GABPB1: variants seen among roughly 807,000 people sequenced by gnomAD.
GABPB1 encodes the protein GA binding protein transcription factor subunit beta 1.
A neutral mutation model predicts 45.9 loss-of-function variants in GABPB1; 15 were observed. That is an observed-to-expected ratio of 0.33 (90% confidence interval 0.22 to 0.50). GABPB1 has a LOEUF of 0.50. GABPB1 is among the 20% of genes least tolerant of loss of function. GABPB1 has a pLI of 0.98. For missense variants in GABPB1, 252 were observed against 457.5 expected, an observed-to-expected ratio of 0.55 and a Z score of 4.10; for synonymous variants, 143 against 154.4, an observed-to-expected ratio of 0.93 and a Z score of 0.55.
At chr15:50,332,453 T>C (rs1342659910) in intron 1 of GABPB1, among the ~76,000 whole-genome samples, 2 of 152,172 alleles carry the variant, frequency 1.3e-5, no homozygotes, top group African/African-American at 2.4e-5. Context: ...AAACCAAATA[T>C]AATTTTTTAA....
intron 1 of GABPB1, among the ~76,000 whole-genome samples, chr15:50,321,779 A>G (rs1016074334): frequency 2.0e-5 from 3 of 152,166 alleles, no homozygotes; most frequent in African/African-American, 7.2e-5. Flanking sequence ...AACTCCAGAA[A>G]TACTTGGAAC....
chr15:50,343,600 G>A (rs1241296338), intron 1 of GABPB1, among the ~76,000 whole-genome samples: 1 of 151,782 alleles, frequency 6.6e-6, no homozygotes, highest in Non-Finnish European at 1.5e-5. Flanking sequence ...GTGCAGTGGT[G>A]CCATCTCGGC....
At chr15:50,334,501 T>TC (rs2048049810) in intron 1 of GABPB1, among the ~76,000 whole-genome samples, 1 of 148,042 alleles carries the variant, frequency 6.8e-6, no homozygotes, top group African/African-American at 2.5e-5. Context: ...TTTTTCTTTT[T>TC]TTCCTTTTTT....
rs1265242897 is a variant in GABPB1, at chr15:50,278,770, A to G, written c.1014T>C (p.Leu338=). The G allele has an allele frequency of 6.2e-7, 1 of 1,609,698 alleles. No homozygotes were observed. Among genetic ancestry groups the G allele is most frequent in the South Asian group, 1.1e-5 (1 of 90,192 alleles). The change falls in exon 9 of 9, where the codon CTT becomes CTC. Residue 338 remains leucine (L), a synonymous_variant. Coordinates refer to ENST00000380877, the MANE Select transcript of GABPB1 (RefSeq NM_016654.5). ...ESAEIEEREA[L]QKQLDEANRE... ...GATTTGCTTCATCCAGCTGTTTCTG[A>G]AGAGCTTCTCTCTCCTAATTAAAAG...
At chr15:50,305,592 C>T (rs1034986847) in intron 2 of GABPB1, among the ~76,000 whole-genome samples, 4 of 152,136 alleles carry the variant, frequency 2.6e-5, no homozygotes, top group Non-Finnish European at 2.9e-5. Flanking sequence ...TTTCTCCATG[C>T]TTTGTCAATT....
chr15:50,353,275 T>TA (rs1250613275), intron 1 of GABPB1: 7 of 152,190 alleles, frequency 4.6e-5, no homozygotes, highest in Non-Finnish European at 7.4e-5. Context: ...TAGAGCCCAG[T>TA]AAAAAAAGTA....
chr15:50,326,632 A>T (rs911513183), intron 1 of GABPB1, among the ~76,000 whole-genome samples: 16 of 152,086 alleles, frequency 1.1e-4, no homozygotes, highest in Non-Finnish European at 1.9e-4. Flanking sequence ...ATTGCACTCC[A>T]GCCTGGGCAA....
At chr15:50,344,412 A>G (rs982886662) in intron 1 of GABPB1, among the ~76,000 whole-genome samples, 1 of 152,216 alleles carries the variant, frequency 6.6e-6, no homozygotes, top group Non-Finnish European at 1.5e-5. Context: ...CCTCAGGCTT[A>G]TATGTTTAGC....
At chr15:50,299,634 G>A (rs1289092071) in intron 6 of GABPB1, among the ~76,000 whole-genome samples, 2 of 151,942 alleles carry the variant, frequency 1.3e-5, no homozygotes, top group Admixed American at 6.6e-5. Flanking sequence ...CCTGACCTCA[G>A]GTGATCCACC....
chr15:50,313,647 A>T (rs2047206254), intron 1 of GABPB1, among the ~76,000 whole-genome samples: 3 of 152,162 alleles, frequency 2.0e-5, no homozygotes, highest in Non-Finnish European at 4.4e-5. Context: ...AAAATGCAGT[A>T]ATTTAACCTA....
intron 1 of GABPB1, among the ~76,000 whole-genome samples, chr15:50,348,099 C>T (rs1413704174): frequency 6.7e-6 from 1 of 148,754 alleles, no homozygotes; most frequent in Non-Finnish European, 1.5e-5. Context: ...AGTATCTTAT[C>T]CCTCAAGTGT....
intron 1 of GABPB1, among the ~76,000 whole-genome samples, chr15:50,340,541 A>C (rs2048316082): frequency 1.3e-5 from 1 of 77,824 alleles, no homozygotes. Flanking sequence ...GTATTTCTAT[A>C]ATCACCAAAA....
chr15:50,300,956 T>A (rs1293356797), intron 5 of GABPB1, 54 bp from the exon 6 acceptor site: 4 of 1,062,476 alleles, frequency 3.8e-6, no homozygotes, highest in Admixed American at 1.8e-5. Context: ...ATCCAATGCA[T>A]ATTTCTGATA....
chr15:50,288,526 C>T (rs1321202008), intron 7 of GABPB1, among the ~76,000 whole-genome samples: 1 of 152,026 alleles, frequency 6.6e-6, no homozygotes, highest in African/African-American at 2.4e-5. Flanking sequence ...GGGCCCTATC[C>T]TTCTGAGAGA....
intron 1 of GABPB1, among the ~76,000 whole-genome samples, chr15:50,326,974 AG>A (rs1178622308): frequency 6.6e-6 from 1 of 152,214 alleles, no homozygotes; most frequent in Non-Finnish European, 1.5e-5. Context: ...TTGACAATGA[AG>A]GGGGCCCATG....
intron 1 of GABPB1, among the ~76,000 whole-genome samples, chr15:50,330,549 C>T (rs1034247402): frequency 4.8e-5 from 7 of 146,114 alleles, no homozygotes; most frequent in African/African-American, 2.0e-4. Context: ...ACACACTTAC[C>T]TTATTCCAGA....
At chr15:50,313,123 A>G (rs188869948) in intron 1 of GABPB1, among the ~76,000 whole-genome samples, 47 of 152,318 alleles carry the variant, frequency 3.1e-4, no homozygotes, top group African/African-American at 1.1e-3. Context: ...TAGAAGAAAC[A>G]TTCATGTTTT....
chr15:50,320,317 A>T (rs138128278), intron 1 of GABPB1, among the ~76,000 whole-genome samples: 3 of 152,108 alleles, frequency 2.0e-5, no homozygotes, highest in African/African-American at 7.2e-5. Context: ...ACAGGCATGC[A>T]CCACCAGGCC....
chr15:50,337,116 TATATATATATATA>T (rs1372490566), intron 1 of GABPB1, among the ~76,000 whole-genome samples: 233 of 7,246 alleles, frequency 0.032, 10 homozygotes, highest in African/African-American at 0.16. Context: ...TATATATATA[TATATATATATATA>T]ATATGAAGAG....
Sources: gnomAD v4.1 joint callset for allele counts (sites outside exome capture counted in the v4.1 genomes callset) on GRCh38, gnomAD v4.1.1 for gene constraint, MANE v1.5 for transcripts, NCBI Gene and HGNC (gene_info 2026-07-23, HGNC 2026-07-21) for gene names.